PIK3R6: variants seen among roughly 807,000 people sequenced by gnomAD.
The protein encoded by PIK3R6 is phosphoinositide-3-kinase regulatory subunit 6, also known as phosphoinositide 3-kinase regulatory subunit 6.
Under a neutral mutation model 84.9 loss-of-function variants are expected in PIK3R6, and 91 were observed. The observed-to-expected ratio is 1.07, with a 90% CI of 0.90 to 1.28. The LOEUF (loss-of-function observed/expected upper bound fraction) is 1.28. Ranked by LOEUF, PIK3R6 falls within the 50% of genes most tolerant of loss-of-function variation. PIK3R6 has a pLI of 0.00. For synonymous variants in PIK3R6, 416 were observed against 411.4 expected (o/e 1.01, Z -0.13); for missense variants, 996 against 985.1 (o/e 1.01, Z -0.15).
chr17:8,824,503 T>C (rs1411725551), intron 13 of PIK3R6, among the ~76,000 whole-genome samples: 1 of 152,238 alleles, frequency 6.6e-6, no homozygotes, highest in Admixed American at 6.5e-5. Flanking sequence ...TACTGAAATA[T>C]TGTTCCCTTC....
chr17:8,836,921 G>A lies in PIK3R6; in HGVS notation c.261C>T (p.Ala87=), dbSNP rs1192632499. 2 of 1,551,568 alleles carry A rather than the reference G, an allele frequency of 1.3e-6. No individual in the cohort carries two copies. The highest frequency in any genetic ancestry group is 2.7e-5 in the African/African-American group (2 of 72,820). Residue 87 remains alanine, a splice_region_variant and synonymous_variant, in exon 6 of 20, where the codon GCC becomes GCT. Coordinates refer to ENST00000619866, the MANE Select transcript of PIK3R6 (RefSeq NM_001010855.4). ...LHTVMYVLTK[A]TGITEELYQR... is the part of the protein sequence containing the mutation. ...GGTAGAGCTCTTCTGTGATTCCTGT[G>A]GCCTGGGTGAGAGGGAGGAGGGGGA...
At position 8,839,609 on chromosome 17, in the gene PIK3R6, C is replaced by T. The variant is rs763392148; in HGVS notation, c.97+5G>A. 2.3e-5 allele frequency: 36 copies of T among 1,565,188 alleles called. No individual in the cohort carries two copies. The South Asian group carries it at 4.0e-4, about 17-fold the overall frequency. ...GACCAGCTGCTGCTGCCAGCTGGCT[C>T]TTACCTTGGTTGCTCTGCAGGGCAG... On this transcript the variant is annotated splice_donor_5th_base_variant and intron_variant, in intron 3 of 19. Coordinates refer to ENST00000619866, the MANE Select transcript of PIK3R6 (RefSeq NM_001010855.4). The surrounding 1 kb of genome is among the most constrained non-coding windows in gnomAD (Gnocchi z 4.2).
intron 1 of PIK3R6, among the ~76,000 whole-genome samples, chr17:8,850,345 G>C (rs1428505033): frequency 6.6e-6 from 1 of 151,560 alleles, no homozygotes; most frequent in Non-Finnish European, 1.5e-5. Flanking sequence ...CTTATATAGT[G>C]CTTACTATGT....
intron 1 of PIK3R6, among the ~76,000 whole-genome samples, chr17:8,865,957 A>G (rs1243105089): frequency 6.6e-6 from 1 of 152,088 alleles, no homozygotes; most frequent in Non-Finnish European, 1.5e-5. Flanking sequence ...TGCAGCAGGG[A>G]CCAGATGGCG....
At chr17:8,858,282 C>T (rs897100757) in intron 1 of PIK3R6, among the ~76,000 whole-genome samples, 15 of 150,682 alleles carry the variant, frequency 1.0e-4, no homozygotes, top group African/African-American at 3.6e-4. Context: ...AGCACCAAAC[C>T]ATGCCTCTGA....
At position 8,814,741 on chromosome 17, in the gene PIK3R6, G is replaced by A. The variant is rs181685569; in HGVS notation, c.1995+4342C>T. Among the ~76,000 whole-genome samples, 1,213 of 152,164 alleles carry A rather than the reference G, an allele frequency of 8.0e-3. 15 individuals are homozygous for A. Among genetic ancestry groups the A allele is most frequent in the African/African-American group, 0.027 (1,133 of 41,518 alleles). ...GAAAGAGAAAGCAAAGAAATGAAGG[G>A]AAGGAAATTATTTTAAAGATTGTAT... On this transcript the variant is annotated intron_variant, in intron 18 of 19. Coordinates refer to ENST00000619866, the MANE Select transcript of PIK3R6 (RefSeq NM_001010855.4).
intron 8 of PIK3R6, 124 bp from the exon 9 acceptor site, chr17:8,833,169 GCA>G: frequency 7.5e-7 from 1 of 1,328,306 alleles, no homozygotes; most frequent in Non-Finnish European, 1.0e-6. Flanking sequence ...TGGGGGCCCG[GCA>G]GGAGCTTCCC....
At chr17:8,820,536 T>C (rs1011005675) in intron 17 of PIK3R6, among the ~76,000 whole-genome samples, 1 of 152,214 alleles carries the variant, frequency 6.6e-6, no homozygotes, top group Non-Finnish European at 1.5e-5. Flanking sequence ...CTTGATGGTC[T>C]GCTCCTGAGC....
In PIK3R6 at chr17:8,828,975, A is replaced by T. The variant is rs532879467; in HGVS notation, c.905T>A (p.Leu302His). The T allele has an allele frequency of 6.3e-5, 95 of 1,499,524 alleles. 2 individuals are homozygous for T. In the South Asian group the frequency reaches 1.3e-3, roughly 20 times the overall value. The allele number at this position is 1,499,524 out of a possible 1,614,324, so 92.9% of individuals were successfully genotyped here. A position where few individuals can be genotyped will look rare whatever the true frequency, so the allele number is the denominator to read the frequency against. ...GEEQLWKELVLFLRPRSQLRL... is the reference protein window; with the variant it reads ...GEEQLWKELVHFLRPRSQLRL... ...CAGCTGGGATCTTGGGCGGAGGAAG[A>T]GCACCAGTTCCTTCCCTGGGGTGGG... Residue 302 changes from leucine to histidine, a missense_variant, in exon 11 of 20, where the codon CTC becomes CAC. Transcript: ENST00000619866.
Position 8,837,869 on chromosome 17 carries a change from C to T in PIK3R6, c.192G>A (p.Ala64=), listed in dbSNP as rs149242502. 5.8e-5 allele frequency: 94 copies of T among 1,613,466 alleles called. No homozygotes were observed. The East Asian group carries it at 1.6e-3, about 28-fold the overall frequency. Residue 64 remains alanine (A), a splice_region_variant and synonymous_variant, in exon 5 of 20, where the codon GCG becomes GCA. Coordinates refer to ENST00000619866, the MANE Select transcript of PIK3R6 (RefSeq NM_001010855.4). The part of the protein sequence containing the change: ...VRILLRELEK[A]ESQDLRHVII... ...TGACATGCCGGAGGTCCTGGCTTTC[C>T]GCCTGGAAAACAGGAGATCACGTGA... is the stretch of plus-strand genomic sequence containing the variant.
At chr17:8,833,585 A>G in intron 8 of PIK3R6, among the ~76,000 whole-genome samples, 1 of 135,898 alleles carries the variant, frequency 7.4e-6, no homozygotes, top group Non-Finnish European at 1.5e-5. Context: ...TCTGTCACCC[A>G]GGCTGGAGTG....
chr17:8,861,043 A>G (rs900464444), intron 1 of PIK3R6, among the ~76,000 whole-genome samples: 3 of 152,004 alleles, frequency 2.0e-5, no homozygotes, highest in Non-Finnish European at 2.9e-5. Context: ...AAAAATACAA[A>G]AATTACCTGG....
At chr17:8,825,057 T>C (rs1693906595) in intron 13 of PIK3R6, among the ~76,000 whole-genome samples, 2 of 152,222 alleles carry the variant, frequency 1.3e-5, no homozygotes, top group African/African-American at 4.8e-5. Flanking sequence ...CAGCAGGCAC[T>C]ACCCAAATAT....
chr17:8,857,532 G>T (rs1966136400), intron 1 of PIK3R6, among the ~76,000 whole-genome samples: 1 of 152,054 alleles, frequency 6.6e-6, no homozygotes, highest in African/African-American at 2.4e-5. Flanking sequence ...AATGAACACG[G>T]GGCAGCCTCG....
At chr17:8,827,412 T>C in intron 12 of PIK3R6, 118 bp from the exon 13 acceptor site, 1 of 1,207,300 alleles carries the variant, frequency 8.3e-7, no homozygotes, top group Non-Finnish European at 1.1e-6. Context: ...GGGGCATGAA[T>C]TTCTGCATGT....
chr17:8,814,237 T>TTTTTTTTTA (rs2087455102), intron 18 of PIK3R6, among the ~76,000 whole-genome samples: 12 of 135,912 alleles, frequency 8.8e-5, no homozygotes, highest in Admixed American at 1.5e-4. Flanking sequence ...TTTTTTTTTT[T>TTTTTTTTTA]GAGACAGAGT....
chr17:8,851,198 A>G (rs1385809312), intron 1 of PIK3R6, among the ~76,000 whole-genome samples: 1 of 151,914 alleles, frequency 6.6e-6, no homozygotes, highest in Non-Finnish European at 1.5e-5. Flanking sequence ...AAAAACAAAA[A>G]CAAAAAAACA....
At chr17:8,829,924 C>G in intron 9 of PIK3R6, 132 bp from the exon 10 acceptor site, 1 of 659,728 alleles carries the variant, frequency 1.5e-6, no homozygotes. Context: ...ATCTGGTCTG[C>G]CTTTCCATCT....
In PIK3R6 at chr17:8,828,160, A is replaced by G. The variant is rs2088013627; in HGVS notation, c.1344T>C (p.Thr448=). 6.2e-7 allele frequency: 1 copy of G among 1,613,820 alleles called. No homozygotes were observed. ...RKRETQKFCL[T]PRLSLQLYYI... ...AGTAGAGCTGCAGGCTGAGTCTGGG[A>G]GTGAGGCAGAACTTCTGGGTCTCCC... The change falls in exon 12 of 20, where the codon ACT becomes ACC. Residue 448 remains threonine, a synonymous_variant. Coordinates refer to ENST00000619866, the MANE Select transcript of PIK3R6 (RefSeq NM_001010855.4).
Sources: allele counts gnomAD v4.1 joint callset (sites outside exome capture counted in the v4.1 genomes callset), GRCh38; gene constraint gnomAD v4.1.1; non-coding constraint Gnocchi (gnomAD v3.1); transcripts MANE v1.5; gene names NCBI Gene and HGNC (gene_info 2026-07-23, HGNC 2026-07-21).